GRIA4: variants seen among roughly 807,000 people sequenced by gnomAD.
GRIA4 encodes the protein glutamate receptor 4.
A neutral mutation model predicts 104.0 loss-of-function variants in GRIA4; 34 were observed. That is an observed-to-expected ratio of 0.33 (90% CI 0.25 to 0.44). The LOEUF is 0.44. GRIA4 is among the 20% of genes least tolerant of loss of function. The pLI is 1.00. For synonymous variants in GRIA4, 386 were observed against 381.9 expected (o/e 1.01, Z -0.13); for missense variants, 750 against 1,096.5 (o/e 0.68, Z 4.46).
chr11:105,765,797 T>C (rs1289222440), intron 4 of GRIA4, among the ~76,000 whole-genome samples: 2 of 152,322 alleles, frequency 1.3e-5, no homozygotes, highest in African/African-American at 2.4e-5. Context: ...AGGCACAGTA[T>C]AGCCTACAGT....
intron 5 of GRIA4, among the ~76,000 whole-genome samples, chr11:105,873,240 C>G (rs922443238): frequency 2.6e-5 from 4 of 152,132 alleles, no homozygotes; most frequent in Admixed American, 1.3e-4. Context: ...CATGTTCCTG[C>G]AAAGGACATG....
intron 4 of GRIA4, among the ~76,000 whole-genome samples, chr11:105,829,606 A>G (rs1333034282): frequency 6.6e-6 from 1 of 151,862 alleles, no homozygotes; most frequent in Non-Finnish European, 1.5e-5. Context: ...TGCCCGAGGG[A>G]CCACTTAAAG....
intron 8 of GRIA4, among the ~76,000 whole-genome samples, 200 bp from the exon 9 acceptor site, chr11:105,904,997 A>G (rs1258064204): frequency 6.6e-6 from 1 of 152,244 alleles, no homozygotes; most frequent in Non-Finnish European, 1.5e-5. Context: ...TTCCAGGGGT[A>G]TAGCAAAATT....
chr11:105,899,332 A>G (rs1490249978), intron 7 of GRIA4, among the ~76,000 whole-genome samples: 1 of 152,226 alleles, frequency 6.6e-6, no homozygotes, highest in Non-Finnish European at 1.5e-5. Context: ...CTATGTGTCA[A>G]GCACTGTTGT....
rs1182866149 is a variant in GRIA4, at chr11:105,734,027, T to TATATATGTATATTATATATA, written c.248-18927_248-18908dup. 1.5e-3 allele frequency among the ~76,000 whole-genome samples: 218 copies of TATATATGTATATTATATATA among 147,186 alleles called. 3 individuals carry two copies. The highest frequency in any genetic ancestry group is 2.7e-3 in the Admixed American group (40 of 14,574). ...TATTATATACATATATATGAATTCA[T>TATATATGTATATTATATATA]ATATATGTATATTATATATAATATA... On this transcript the variant is annotated intron_variant, in intron 3 of 16. Transcript: ENST00000282499.
intron 3 of GRIA4, among the ~76,000 whole-genome samples, chr11:105,616,254 A>T (rs985750965): frequency 1.3e-5 from 2 of 151,662 alleles, no homozygotes; most frequent in African/African-American, 4.8e-5. Flanking sequence ...TTACAAGATA[A>T]TGGATTGAAA....
At chr11:105,849,227 C>T (rs137903288) in intron 4 of GRIA4, among the ~76,000 whole-genome samples, 116 of 152,154 alleles carry the variant, frequency 7.6e-4, no homozygotes, top group African/African-American at 2.6e-3. Context: ...TACCTGAATT[C>T]CCTCTTCTCC....
In GRIA4 at chr11:105,786,440, T is replaced by G. The variant is rs570285540; in HGVS notation, c.487+33220T>G. On this transcript the variant is annotated intron_variant, in intron 4 of 16. Transcript: ENST00000282499. ...TTTAGCTTTCTTATTCTTGAATTTC[T>G]CCTTGTGTGAGTTCTTTAGTTGAAA... Among the ~76,000 whole-genome samples the G allele has an allele frequency of 1.4e-4, 21 of 152,326 alleles. No homozygotes were observed. The South Asian group carries it at 4.3e-3, about 32-fold the overall frequency.
chr11:105,613,237 T>C (rs1218206827), intron 3 of GRIA4: 1 of 151,728 alleles, frequency 6.6e-6, no homozygotes. Context: ...TATAACTTAA[T>C]GTAAAAAAAA....
intron 3 of GRIA4, among the ~76,000 whole-genome samples, chr11:105,728,927 C>A (rs926050690): frequency 6.6e-6 from 1 of 152,102 alleles, no homozygotes; most frequent in Non-Finnish European, 1.5e-5. Context: ...CACACTCTAA[C>A]ATCACAATTA....
Position 105,905,297 on chromosome 11 carries a change from GA to G in GRIA4, c.1157del (p.Lys386ArgfsTer11). On this transcript the variant is annotated frameshift_variant, in exon 9 of 17. Transcript: ENST00000282499. LOFTEE classifies it high-confidence loss of function. ...DVFELKSTGP[R>X]KVGYWNDMDK... ...TTTGAGCTGAAAAGCACAGGACCTA[GA>G]AAGGTGAGCCACGATCAAACTGAAA... 2 of 1,534,516 alleles carry G rather than the reference GA, an allele frequency of 1.3e-6. No homozygotes were observed. Among genetic ancestry groups the G allele is most frequent in the African/African-American group, 1.4e-5 (1 of 73,560 alleles).
At chr11:105,629,074 C>G (rs1950963008) in intron 3 of GRIA4, among the ~76,000 whole-genome samples, 1 of 38,902 alleles carries the variant, frequency 2.6e-5, no homozygotes, top group Non-Finnish European at 6.1e-5. Context: ...AACCACTTCT[C>G]CACCAAAAAA....
At chr11:105,726,348 C>T (rs1027475584) in intron 3 of GRIA4, among the ~76,000 whole-genome samples, 1 of 152,164 alleles carries the variant, frequency 6.6e-6, no homozygotes, top group Admixed American at 6.5e-5. Flanking sequence ...CTAGATTCCT[C>T]CTCTCTGGGC....
intron 4 of GRIA4, among the ~76,000 whole-genome samples, chr11:105,853,187 G>A (rs1172386677): frequency 6.6e-6 from 1 of 152,100 alleles, no homozygotes; most frequent in Non-Finnish European, 1.5e-5. Context: ...AGTCAGTTTT[G>A]CAGGTTAGCT....
chr11:105,787,707 C>G (rs1942035147), intron 4 of GRIA4, among the ~76,000 whole-genome samples: 1 of 151,734 alleles, frequency 6.6e-6, no homozygotes, highest in South Asian at 2.1e-4. Context: ...AATTCTTGTA[C>G]AGAATTCTTT....
At chr11:105,664,568 A>G (rs919135506) in intron 3 of GRIA4, among the ~76,000 whole-genome samples, 1 of 151,952 alleles carries the variant, frequency 6.6e-6, no homozygotes, top group African/African-American at 2.4e-5. Context: ...TGCCACTAAC[A>G]TTATCTAGCA....
chr11:105,654,023 A>AAAAAAAAAAAAAAAAAAAAAAG (rs1951766998), intron 3 of GRIA4, among the ~76,000 whole-genome samples: 1 of 149,042 alleles, frequency 6.7e-6, no homozygotes, highest in Non-Finnish European at 1.5e-5. Context: ...AAAAAAAAAA[A>AAAAAAAAAAAAAAAAAAAAAAG]AAAAGAAAAC....
At chr11:105,860,221 A>G (rs187600467) in intron 4 of GRIA4, among the ~76,000 whole-genome samples, 1 of 152,310 alleles carries the variant, frequency 6.6e-6, no homozygotes, top group African/African-American at 2.4e-5. Context: ...GATAATTTAT[A>G]TTTCAAATAT....
chr11:105,704,772 C>G (rs371359690), intron 3 of GRIA4, among the ~76,000 whole-genome samples: 30 of 152,100 alleles, frequency 2.0e-4, no homozygotes, highest in African/African-American at 7.2e-4. Context: ...AAAGTAGACT[C>G]GAATAAGTGA....
Sources: allele counts gnomAD v4.1 joint callset (sites outside exome capture counted in the v4.1 genomes callset), GRCh38; gene constraint gnomAD v4.1.1; transcripts MANE v1.5; gene names NCBI Gene and HGNC (gene_info 2026-07-23, HGNC 2026-07-21).